TAOK3: variants seen among roughly 807,000 people sequenced by gnomAD.
The protein encoded by TAOK3 is serine/threonine-protein kinase TAO3.
Under a neutral mutation model 120.4 loss-of-function variants are expected in TAOK3, and 40 were observed. The observed-to-expected ratio is 0.33, with a 90% CI of 0.26 to 0.43. The LOEUF (loss-of-function observed/expected upper bound fraction) is 0.43. TAOK3 is among the 20% of genes least tolerant of loss of function. The probability of loss-of-function intolerance (pLI) is 1.00; values close to 1 mark genes in which losing one functional copy is unlikely to be tolerated. For synonymous variants in TAOK3, 355 were observed against 387.5 expected, an observed-to-expected ratio of 0.92 and a Z score of 0.99; for missense variants, 821 against 1,112.1, an observed-to-expected ratio of 0.74 and a Z score of 3.72.
chr12:118,250,373 T>G (rs1409191264), intron 3 of TAOK3, among the ~76,000 whole-genome samples: 1 of 152,226 alleles, frequency 6.6e-6, no homozygotes, highest in Non-Finnish European at 1.5e-5. Context: ...CTGATTGATT[T>G]TACAAGAGCT....
intron 3 of TAOK3, among the ~76,000 whole-genome samples, chr12:118,249,815 G>C (rs943334284): frequency 3.9e-5 from 6 of 152,136 alleles, no homozygotes; most frequent in Non-Finnish European, 7.3e-5. Context: ...TTGGGTGACA[G>C]AGTGAGAGAC....
chr12:118,371,805 CG>C lies in TAOK3; in HGVS notation c.-194+842del, dbSNP rs555163285. On this transcript the variant is annotated intron_variant, in intron 1 of 20. Coordinates refer to ENST00000392533, the MANE Select transcript of TAOK3 (RefSeq NM_016281.4). This position sits in a 1 kb window ranked among gnomAD's most constrained non-coding sequence, Gnocchi z 5.5. ...CACCCATGGGGCACCGCTCCTCCCT[CG>C]GGGTCCGCGCCTGCACCCGACGCTC... 1.2e-3 allele frequency among the ~76,000 whole-genome samples: 176 copies of C among 152,190 alleles called. No individual in the cohort carries two copies. The highest frequency in any genetic ancestry group is 4.0e-3 in the African/African-American group (168 of 41,562).
intron 1 of TAOK3, among the ~76,000 whole-genome samples, chr12:118,367,876 T>A (rs1469444898): frequency 6.6e-6 from 1 of 152,122 alleles, no homozygotes; most frequent in Non-Finnish European, 1.5e-5. Flanking sequence ...TTTAAAAAAG[T>A]ACCAACAGTT....
intron 13 of TAOK3, among the ~76,000 whole-genome samples, chr12:118,197,076 G>T (rs2037765800): frequency 6.6e-6 from 1 of 152,064 alleles, no homozygotes; most frequent in Non-Finnish European, 1.5e-5. Context: ...TGTTTTTAAA[G>T]ATAACATATT....
At chr12:118,203,008 G>C (rs1474942274) in intron 11 of TAOK3, among the ~76,000 whole-genome samples, 1 of 151,850 alleles carries the variant, frequency 6.6e-6, no homozygotes, top group African/African-American at 2.4e-5. Context: ...TTAAACTCCT[G>C]AGCTCAAGTG....
At chr12:118,322,481 A>G (rs1039743854) in intron 1 of TAOK3, among the ~76,000 whole-genome samples, 6 of 152,042 alleles carry the variant, frequency 3.9e-5, no homozygotes, top group African/African-American at 1.4e-4. Context: ...AGGTCAGCAA[A>G]CTTTTCTATA....
At chr12:118,332,685 T>C (rs1227927130) in intron 1 of TAOK3, among the ~76,000 whole-genome samples, 1 of 152,244 alleles carries the variant, frequency 6.6e-6, no homozygotes, top group African/African-American at 2.4e-5. Flanking sequence ...CGGGATGACA[T>C]AATTTTCCAT....
Position 118,212,928 on chromosome 12 carries a change from C to A in TAOK3, c.805G>T (p.Ala269Ser). 6.2e-7 allele frequency: 1 copy of A among 1,612,062 alleles called. No individual in the cohort carries two copies. The highest frequency in any genetic ancestry group is 1.1e-5 in the South Asian group (1 of 90,912). The part of the protein sequence containing the change: ...QKIPQERPTS[A>S]ELLRHDFVRR... ...TGAAAAATTACCCTTAATAGTTCTG[C>A]TGATGTTGGCCTTTCCTGAGGTATT... Residue 269 changes from alanine to serine, a missense_variant, in exon 11 of 21, where the codon GCA (alanine) becomes TCA (serine). By Grantham distance (99) the Ala-to-Ser change is moderately conservative (BLOSUM62 1). Transcript: ENST00000392533.
chr12:118,195,745 T>C (rs2037683922), intron 13 of TAOK3, among the ~76,000 whole-genome samples: 1 of 152,110 alleles, frequency 6.6e-6, no homozygotes, highest in African/African-American at 2.4e-5. Flanking sequence ...CAAATCATTC[T>C]TGCTCAAAAA....
Position 118,199,377 on chromosome 12 carries a change from A to G in TAOK3, c.988-120T>C. 4 of 740,392 alleles carry G rather than the reference A, an allele frequency of 5.4e-6. No individual in the cohort carries two copies. The South Asian group carries it at 6.6e-5, about 12-fold the overall frequency. The allele number at this position is 740,392 out of a possible 1,614,324, so 45.9% of individuals were successfully genotyped here. ...CAAGTTGCTTTTCTGCCAATCTGCA[A>G]AGACAAACTTTTTATGTACTGGCTC... On this transcript the variant is annotated intron_variant, in intron 12 of 20. Transcript: ENST00000392533.
rs2040421642 is a variant in TAOK3 at position 118,244,878 on chromosome 12, A to C, written c.192+16T>G. 1.3e-6 allele frequency: 2 copies of C among 1,584,212 alleles called. No individual in the cohort carries two copies. Among genetic ancestry groups the C allele is most frequent in the East Asian group, 4.5e-5 (2 of 44,522 alleles). ...TTGTTTATTTCAGTTTAGGTATACA[A>C]CTGTCTCTATCTCACCTCATGGGTC... On this transcript the variant is annotated intron_variant, in intron 4 of 20. Transcript: ENST00000392533.
intron 11 of TAOK3, among the ~76,000 whole-genome samples, chr12:118,210,594 T>C (rs2038571473): frequency 6.6e-6 from 1 of 152,166 alleles, no homozygotes; most frequent in Non-Finnish European, 1.5e-5. Flanking sequence ...CATGCATGTA[T>C]CTGCTTAAAT....
rs115412979 is a variant in TAOK3, at chr12:118,330,971, C to T, written c.-194+41677G>A. Among the ~76,000 whole-genome samples, 1,020 of 152,274 alleles carry T rather than the reference C, an allele frequency of 6.7e-3. 9 individuals carry two copies. Among genetic ancestry groups the T allele is most frequent in the African/African-American group, 0.023 (952 of 41,554 alleles). Reference sequence around the variant, plus strand: ...TGGAATTTATCTCATCTATGCCCAACTGCCACCTACCAAAAGAAAAACAAG... The same window carrying T: ...TGGAATTTATCTCATCTATGCCCAATTGCCACCTACCAAAAGAAAAACAAG... On this transcript the variant is annotated intron_variant, in intron 1 of 20. Transcript: ENST00000392533.
At chr12:118,308,873 T>C (rs1389936346) in intron 1 of TAOK3, among the ~76,000 whole-genome samples, 2 of 128,178 alleles carry the variant, frequency 1.6e-5, no homozygotes, top group African/African-American at 6.1e-5. Context: ...GAGGTTGCAG[T>C]GACCTGAGAT....
chr12:118,257,069 T>C (rs1361147750), intron 2 of TAOK3, among the ~76,000 whole-genome samples: 1 of 152,224 alleles, frequency 6.6e-6, no homozygotes, highest in African/African-American at 2.4e-5. Context: ...ATATAATGAC[T>C]TTACTGTCTT....
chr12:118,196,966 G>T (rs910820768), intron 13 of TAOK3, among the ~76,000 whole-genome samples: 5 of 152,114 alleles, frequency 3.3e-5, no homozygotes, highest in African/African-American at 1.2e-4. Flanking sequence ...AAAATTTTCT[G>T]TTGAGAGTTA....
intron 16 of TAOK3, among the ~76,000 whole-genome samples, chr12:118,176,598 C>T (rs999995310): frequency 1.3e-5 from 2 of 151,980 alleles, no homozygotes; most frequent in African/African-American, 2.4e-5. Flanking sequence ...GTAGCAGCAG[C>T]GTCATCTGGG....
Position 118,189,796 on chromosome 12 carries a change from T to A in TAOK3, c.1329+11A>T. 1 of 1,613,468 alleles carries A rather than the reference T, an allele frequency of 6.2e-7. No homozygotes were observed. The highest frequency in any genetic ancestry group is 1.1e-5 in the South Asian group (1 of 91,038). ...AAGGAAGGGAAGGTGGGTAGAGGGG[T>A]GTTTGCTTACCAAAGATGCTGATTT... On this transcript the variant is annotated intron_variant, in intron 14 of 20. Coordinates refer to ENST00000392533, the MANE Select transcript of TAOK3 (RefSeq NM_016281.4).
chr12:118,344,005 G>A (rs1202476031), intron 1 of TAOK3, among the ~76,000 whole-genome samples: 2 of 146,334 alleles, frequency 1.4e-5, no homozygotes, highest in African/African-American at 5.1e-5. Flanking sequence ...GAGCGAGACT[G>A]TCTAAAAAAA....
Sources: gnomAD v4.1 joint callset for allele counts (sites outside exome capture counted in the v4.1 genomes callset) on GRCh38, gnomAD v4.1.1 for gene constraint, Gnocchi (gnomAD v3.1) non-coding constraint, MANE v1.5 for transcripts, NCBI Gene and HGNC (gene_info 2026-07-23, HGNC 2026-07-21) for gene names.